Variants in TTYH2 observed in about 807,000 individuals in gnomAD.
TTYH2 encodes protein tweety homolog 2.
TTYH2 carries 49 observed loss-of-function variants against 68.3 expected under a neutral mutation model. That is an observed-to-expected ratio of 0.72 (90% confidence interval 0.57 to 0.91). The LOEUF (loss-of-function observed/expected upper bound fraction) is 0.91, where lower values mean the gene tolerates loss of function less well. Among genes scored for constraint, TTYH2 ranks in the 40% least tolerant of loss-of-function variants. TTYH2 has a pLI of 0.00. For missense variants in TTYH2, 631 were observed against 700.4 expected, an observed-to-expected ratio of 0.90 and a Z score of 1.12; for synonymous variants, 272 against 300.8, an observed-to-expected ratio of 0.90 and a Z score of 0.99.
intron 3 of TTYH2, among the ~76,000 whole-genome samples, chr17:74,231,237 G>T (rs2050386470): frequency 6.6e-6 from 1 of 152,198 alleles, no homozygotes; most frequent in Non-Finnish European, 1.5e-5. Context: ...AGGCAGCTGT[G>T]GGATCAAACC....
intron 12 of TTYH2, 150 bp from the exon 13 acceptor site, chr17:74,253,605 T>C (rs2050660509): frequency 5.3e-6 from 4 of 748,862 alleles, no homozygotes; most frequent in Non-Finnish European, 9.1e-6. Flanking sequence ...CTCTTCTCCA[T>C]ATCTGCCCAC....
intron 2 of TTYH2, among the ~76,000 whole-genome samples, chr17:74,227,306 C>A (rs891334056): frequency 4.9e-4 from 74 of 152,146 alleles, no homozygotes; most frequent in African/African-American, 1.7e-3. Flanking sequence ...AATTTCACAG[C>A]CCCTCCTGGC....
At chr17:74,230,087 C>T (rs1293088220) in intron 2 of TTYH2, among the ~76,000 whole-genome samples, 2 of 151,986 alleles carry the variant, frequency 1.3e-5, no homozygotes, top group Non-Finnish European at 2.9e-5. Flanking sequence ...GCTGAGATAG[C>T]GCCATTGCAC....
chr17:74,225,487 G>A (rs2050320883), intron 2 of TTYH2, among the ~76,000 whole-genome samples: 1 of 152,212 alleles, frequency 6.6e-6, no homozygotes, highest in South Asian at 2.1e-4. Flanking sequence ...CAAGTTGAAT[G>A]TAACCCAGGC....
rs769504243 is a variant in TTYH2 at position 74,237,321 on chromosome 17, G to A, written c.442G>A (p.Val148Met). ...LVSGTTQKMK[V>M]DLEQHLARLS... Reference sequence around the variant, plus strand: ...TTCCGGAACTACCCAGAAGATGAAGGTGGACCTAGAGCAGCACCTGGCCCG... The same window carrying A: ...TTCCGGAACTACCCAGAAGATGAAGATGGACCTAGAGCAGCACCTGGCCCG... The change falls in exon 4 of 14, where the codon GTG (valine) becomes ATG (methionine). Residue 148 changes from valine (V) to methionine (M), a missense_variant. Coordinates refer to ENST00000269346, the MANE Select transcript of TTYH2 (RefSeq NM_032646.6). 6.2e-7 allele frequency: 1 copy of A among 1,613,944 alleles called. No individual in the cohort carries two copies. The highest frequency in any genetic ancestry group is 8.5e-7 in the Non-Finnish European group (1 of 1,180,038).
At chr17:74,243,021 GC>G (rs5822032) in intron 4 of TTYH2, among the ~76,000 whole-genome samples, 28,092 of 152,180 alleles carry the variant, frequency 0.18, 2,796 homozygotes, top group African/African-American at 0.26. Context: ...AGTTGCACAA[GC>G]CATATTTCAA....
chr17:74,247,899 A>T (rs1248721229), intron 6 of TTYH2: 1 of 152,188 alleles, frequency 6.6e-6, no homozygotes, highest in Non-Finnish European at 1.5e-5. Context: ...GGCTCTCGGG[A>T]AGCTCTGTAT....
intron 4 of TTYH2, 28 bp from the exon 5 acceptor site, chr17:74,243,346 T>G: frequency 6.2e-7 from 1 of 1,600,738 alleles, no homozygotes; most frequent in Non-Finnish European, 8.6e-7. Context: ...ACCCTGCTGC[T>G]CCTGACCATC....
At chr17:74,259,151 G>A (rs2050722078) in intron 13 of TTYH2, among the ~76,000 whole-genome samples, 1 of 152,130 alleles carries the variant, frequency 6.6e-6, no homozygotes, top group African/African-American at 2.4e-5. Context: ...CACTGGAATT[G>A]CCTAAAGAGC....
rs1218771711 is a variant in TTYH2 at position 74,232,098 on chromosome 17, T to C, written c.414+1099T>C. Among the ~76,000 whole-genome samples, 1 of 152,188 alleles carries C rather than the reference T, an allele frequency of 6.6e-6. No homozygotes were observed. The highest frequency in any genetic ancestry group is 1.9e-4 in the East Asian group (1 of 5,194). ...ATTCTCACTCTAAGCACCAGACCTTTTCAGCTGCTTATCCGAGCAGCCTCT... is the reference window on the plus strand; with the variant it reads ...ATTCTCACTCTAAGCACCAGACCTTCTCAGCTGCTTATCCGAGCAGCCTCT... On this transcript the variant is annotated intron_variant, in intron 3 of 13. Coordinates refer to ENST00000269346, the MANE Select transcript of TTYH2 (RefSeq NM_032646.6). The surrounding 1 kb of genome is among the most constrained non-coding windows in gnomAD (Gnocchi z 5.1).
intron 3 of TTYH2, among the ~76,000 whole-genome samples, chr17:74,236,513 AG>A (rs2050444397): frequency 6.6e-6 from 1 of 152,220 alleles, no homozygotes; most frequent in Non-Finnish European, 1.5e-5. Context: ...GTATATAGTA[AG>A]GTATAGTAAT....
At chr17:74,247,505 C>T (rs1457889663) in intron 6 of TTYH2, among the ~76,000 whole-genome samples, 1 of 152,152 alleles carries the variant, frequency 6.6e-6, no homozygotes, top group Non-Finnish European at 1.5e-5. Context: ...GAAGAGCAGG[C>T]CTGGCCTGGG....
chr17:74,233,003 C>T (rs117747131), intron 3 of TTYH2, among the ~76,000 whole-genome samples: 1,553 of 152,256 alleles, frequency 0.01, 15 homozygotes, highest in Middle Eastern at 0.02. Context: ...CACAGCAGGC[C>T]CCACTCTCTG....
intron 4 of TTYH2, among the ~76,000 whole-genome samples, chr17:74,243,132 G>C (rs1488403472): frequency 6.6e-6 from 1 of 152,188 alleles, no homozygotes; most frequent in African/African-American, 2.4e-5. Context: ...CACAGTGCTG[G>C]TTTTGACACT....
chr17:74,256,302 C>T (rs1381587688), intron 13 of TTYH2, among the ~76,000 whole-genome samples: 1 of 152,140 alleles, frequency 6.6e-6, no homozygotes, highest in Admixed American at 6.5e-5. Flanking sequence ...TTCATTACCA[C>T]GCTTGGAGGC....
At position 74,237,322 on chromosome 17, in the gene TTYH2, T is replaced by C; in HGVS notation, c.443T>C (p.Val148Ala). The C allele has an allele frequency of 6.2e-7, 1 of 1,614,110 alleles. No homozygotes were observed. Among genetic ancestry groups the C allele is most frequent in the Non-Finnish European group, 8.5e-7 (1 of 1,180,018 alleles). ...TCCGGAACTACCCAGAAGATGAAGG[T>C]GGACCTAGAGCAGCACCTGGCCCGG... ...LVSGTTQKMK[V>A]DLEQHLARLS... is the part of the protein sequence containing the mutation. Residue 148 changes from valine (V) to alanine (A), a missense_variant, in exon 4 of 14, where the codon GTG (valine) becomes GCG (alanine). Physicochemically the swap from Val to Ala is moderately conservative, Grantham distance 64. Transcript: ENST00000269346.
intron 1 of TTYH2, among the ~76,000 whole-genome samples, chr17:74,216,520 T>C (rs1258862696): frequency 6.6e-6 from 1 of 152,238 alleles, no homozygotes; most frequent in Middle Eastern, 3.4e-3. Context: ...CCTGAGGAAG[T>C]AGGGGCTCTC....
At chr17:74,248,707 T>C in intron 6 of TTYH2, 1 of 1,276,476 alleles carries the variant, frequency 7.8e-7, no homozygotes, top group Non-Finnish European at 1.0e-6. Flanking sequence ...GGAATAAGAG[T>C]AACAGCATGC....
intron 3 of TTYH2, among the ~76,000 whole-genome samples, chr17:74,233,871 G>A (rs1274641277): frequency 6.6e-6 from 1 of 152,162 alleles, no homozygotes; most frequent in Non-Finnish European, 1.5e-5. Context: ...ATGTGAGTCT[G>A]CAGCAGGCTG....
Sources: allele counts gnomAD v4.1 joint callset (sites outside exome capture counted in the v4.1 genomes callset), GRCh38; gene constraint gnomAD v4.1.1; non-coding constraint Gnocchi (gnomAD v3.1); transcripts MANE v1.5; gene names NCBI Gene and HGNC (gene_info 2026-07-23, HGNC 2026-07-21).